Variants in NDST4 observed in about 807,000 individuals in gnomAD.
NDST4 encodes N-heparan sulfate sulfotransferase 4.
In NDST4, 63 loss-of-function variants were observed where a neutral mutation model predicts 100.8. That is an observed-to-expected ratio of 0.62 (90% CI 0.51 to 0.77). The LOEUF (loss-of-function observed/expected upper bound fraction) is 0.77. Among genes scored for constraint, NDST4 ranks in the 30% least tolerant of loss-of-function variants. The pLI is 0.00. For missense variants in NDST4, 943 were observed against 1,018.4 expected, an observed-to-expected ratio of 0.93 and a Z score of 1.01; for synonymous variants, 377 against 361.8, an observed-to-expected ratio of 1.04 and a Z score of -0.48.
intron 6 of NDST4, among the ~76,000 whole-genome samples, chr4:114,904,520 G>C (rs749799132): frequency 9.2e-5 from 14 of 151,792 alleles, no homozygotes; most frequent in Non-Finnish European, 1.9e-4. Flanking sequence ...AAAAGTCATA[G>C]AATAGAAAGA....
chr4:114,926,910 T>C (rs1260609041), intron 6 of NDST4, among the ~76,000 whole-genome samples: 4 of 152,128 alleles, frequency 2.6e-5, no homozygotes, highest in Admixed American at 1.3e-4. Context: ...CATTCCTTTA[T>C]ATACTTTTTC....
intron 7 of NDST4, among the ~76,000 whole-genome samples, chr4:114,858,090 C>T (rs909030956): frequency 6.6e-6 from 1 of 152,150 alleles, no homozygotes; most frequent in Non-Finnish European, 1.5e-5. Context: ...CAGGTGAAAG[C>T]CATGCATGGA....
chr4:114,994,286 T>A (rs1381701333), intron 2 of NDST4, among the ~76,000 whole-genome samples: 1 of 152,056 alleles, frequency 6.6e-6, no homozygotes, highest in African/African-American at 2.4e-5. Context: ...TGGTATACCA[T>A]ATAATTTAGC....
rs1424598462 is a variant in NDST4, at chr4:115,113,531, G to T, written c.-334C>A. On this transcript the variant is annotated 5_prime_UTR_variant, in exon 1 of 14. Coordinates refer to ENST00000264363, the MANE Select transcript of NDST4 (RefSeq NM_022569.3). ...AGATATCCAGTATTCAGGTTCACTT[G>T]GCTCCAGGTTAATTAGAAGGAGCTT... 6.6e-6 allele frequency: 1 copy of T among 151,840 alleles called. No individual in the cohort carries two copies. Among genetic ancestry groups the T allele is most frequent in the Non-Finnish European group, 1.5e-5 (1 of 67,930 alleles). The allele number at this position is 151,840 out of a possible 1,614,324, so 9.4% of individuals were successfully genotyped here.
chr4:115,046,682 C>T (rs1334359418), intron 2 of NDST4, among the ~76,000 whole-genome samples: 1 of 151,944 alleles, frequency 6.6e-6, no homozygotes, highest in Non-Finnish European at 1.5e-5. Context: ...ATAGATGATA[C>T]ATAATTTAAG....
intron 7 of NDST4, among the ~76,000 whole-genome samples, chr4:114,869,541 C>A (rs1037372366): frequency 6.6e-6 from 1 of 151,988 alleles, no homozygotes; most frequent in Admixed American, 6.6e-5. Flanking sequence ...TTGATATATG[C>A]GCATAATACT....
chr4:115,109,652 C>G (rs979084320), intron 1 of NDST4, among the ~76,000 whole-genome samples: 3 of 151,688 alleles, frequency 2.0e-5, no homozygotes, highest in South Asian at 2.1e-4. Flanking sequence ...TAGTTTTAAC[C>G]CTTTTTTCTC....
intron 1 of NDST4, among the ~76,000 whole-genome samples, chr4:115,093,770 AATAAG>A (rs1338660430): frequency 6.6e-6 from 1 of 152,116 alleles, no homozygotes; most frequent in Non-Finnish European, 1.5e-5. Context: ...AACAATTATA[AATAAG>A]ATATGAGTAA....
rs530100033 is a variant in NDST4, at chr4:115,017,146, GTCAT to G, written c.979-39876_979-39873del. Among the ~76,000 whole-genome samples, 517 of 152,016 alleles carry G rather than the reference GTCAT, an allele frequency of 3.4e-3. 3 individuals are homozygous for G. Among genetic ancestry groups the G allele is most frequent in the Non-Finnish European group, 4.0e-3 (274 of 67,938 alleles). On this transcript the variant is annotated intron_variant, in intron 2 of 13. Transcript: ENST00000264363. ...ACAAAATGGTTTCAATTACAACTAA[GTCAT>G]TCAAACAGAATGCACATTTAAAAGT...
intron 2 of NDST4, among the ~76,000 whole-genome samples, chr4:115,038,330 C>T (rs1005102430): frequency 3.3e-5 from 5 of 151,786 alleles, no homozygotes; most frequent in African/African-American, 9.7e-5. Context: ...TAGTGACAGC[C>T]AAAAGGAGAA....
intron 2 of NDST4, among the ~76,000 whole-genome samples, chr4:115,012,097 A>G (rs1727560423): frequency 6.6e-6 from 1 of 151,934 alleles, no homozygotes; most frequent in African/African-American, 2.4e-5. Context: ...AAATTACTTC[A>G]CAAAAGAAAA....
At chr4:114,838,414 CA>C (rs1274818808) in intron 11 of NDST4, among the ~76,000 whole-genome samples, 1 of 152,128 alleles carries the variant, frequency 6.6e-6, no homozygotes, top group African/African-American at 2.4e-5. Context: ...GACTTGGAAC[CA>C]GCCCAATGCC....
rs753243967 is a variant in NDST4 at position 114,839,404 on chromosome 4, A to C, written c.2260T>G (p.Trp754Gly). 1 of 1,612,126 alleles carries C rather than the reference A, an allele frequency of 6.2e-7. No individual in the cohort carries two copies. Among genetic ancestry groups the C allele is most frequent in the Non-Finnish European group, 8.5e-7 (1 of 1,178,818 alleles). Residue 754 changes from tryptophan to glycine, a missense_variant, in exon 11 of 14, where the codon TGG (tryptophan) becomes GGG (glycine). Physicochemically the swap from Trp to Gly is radical, Grantham distance 184. Coordinates refer to ENST00000264363, the MANE Select transcript of NDST4 (RefSeq NM_022569.3). The part of the protein sequence containing the change: ...PGWYAVHIER[W>G]LTYFATSQLL... The stretch of plus-strand genomic sequence containing the variant: ...TGAGAAGTAGCAAAGTAAGTTAGCC[A>C]TCTTTCTATGTGGACTGCATACCAT...
In NDST4 at chr4:114,836,930, T is replaced by G. The variant is rs943722928; in HGVS notation, c.2286+2448A>C. On this transcript the variant is annotated intron_variant, in intron 11 of 13. Transcript: ENST00000264363. ...ATTCGGCTATTGATACTTGTGTATG[T>G]TTCACAAAGTTCTCATGCTGTGTTT... Among the ~76,000 whole-genome samples, 5 of 152,238 alleles carry G rather than the reference T, an allele frequency of 3.3e-5. No homozygotes were observed. In the South Asian group the frequency reaches 6.2e-4, roughly 19 times the overall value.
chr4:114,958,902 T>C (rs1336267206), intron 4 of NDST4, among the ~76,000 whole-genome samples: 1 of 152,158 alleles, frequency 6.6e-6, no homozygotes, highest in Non-Finnish European at 1.5e-5. Context: ...TCTTTGTGAA[T>C]GAATAAAACT....
At chr4:114,929,092 CCA>C (rs1725450116) in intron 6 of NDST4, among the ~76,000 whole-genome samples, 6 of 125,054 alleles carry the variant, frequency 4.8e-5, no homozygotes, top group East Asian at 2.3e-4. Flanking sequence ...ATCCATCCAT[CCA>C]TCCATCCATC....
At chr4:115,072,020 T>G (rs1729089232) in intron 2 of NDST4, among the ~76,000 whole-genome samples, 1 of 152,056 alleles carries the variant, frequency 6.6e-6, no homozygotes, top group South Asian at 2.1e-4. Context: ...GCCATAAAGC[T>G]TATTTAATAA....
intron 6 of NDST4, among the ~76,000 whole-genome samples, chr4:114,889,763 T>C (rs1428625140): frequency 2.5e-4 from 38 of 152,186 alleles, no homozygotes; most frequent in Non-Finnish European, 2.9e-5. Context: ...TAATATTAGA[T>C]GCACCTGTGT....
chr4:115,057,502 A>G (rs1728721132), intron 2 of NDST4, among the ~76,000 whole-genome samples: 1 of 152,168 alleles, frequency 6.6e-6, no homozygotes, highest in East Asian at 1.9e-4. Context: ...CGGCCTGCAG[A>G]AAAATGCCAA....
Sources: allele counts gnomAD v4.1 joint callset (sites outside exome capture counted in the v4.1 genomes callset), GRCh38; gene constraint gnomAD v4.1.1; transcripts MANE v1.5; gene names NCBI Gene and HGNC (gene_info 2026-07-23, HGNC 2026-07-21).